The following FGGY variants were observed in gnomAD, a reference collection of about 807,000 sequenced individuals.
The protein encoded by FGGY is FGGY carbohydrate kinase domain containing, also known as FGGY carbohydrate kinase domain-containing protein.
FGGY carries 72 observed loss-of-function variants against 71.3 expected under a neutral mutation model. The observed-to-expected ratio is 1.01, with a 90% CI of 0.84 to 1.23. The LOEUF is 1.23. Among genes scored for constraint, FGGY ranks in the 50% most tolerant of loss-of-function variants. FGGY has a pLI of 0.00. For synonymous variants in FGGY, 251 were observed against 250.3 expected (o/e 1.00, Z -0.02); for missense variants, 668 against 682.3 (o/e 0.98, Z 0.23).
chr1:59,505,032 G>GA (rs980778467), intron 6 of FGGY, among the ~76,000 whole-genome samples: 36 of 152,084 alleles, frequency 2.4e-4, no homozygotes, highest in African/African-American at 8.7e-4. Context: ...ATAAATAGGG[G>GA]AAAAAATAAA....
intron 6 of FGGY, among the ~76,000 whole-genome samples, chr1:59,496,633 A>T (rs999427219): frequency 6.6e-6 from 1 of 152,180 alleles, no homozygotes; most frequent in Non-Finnish European, 1.5e-5. Context: ...TGTGACACGC[A>T]GTTTACCTGT....
chr1:59,534,646 T>C (rs1219757790), intron 7 of FGGY, among the ~76,000 whole-genome samples: 1 of 152,118 alleles, frequency 6.6e-6, no homozygotes, highest in Non-Finnish European at 1.5e-5. Context: ...GCAGAAACTC[T>C]ACAAGCCAGA....
At chr1:59,405,239 G>A (rs374727341) in intron 5 of FGGY, among the ~76,000 whole-genome samples, 2 of 152,152 alleles carry the variant, frequency 1.3e-5, no homozygotes, top group African/African-American at 4.8e-5. Flanking sequence ...TAGTGAGGGA[G>A]GATTAAAGAT....
chr1:59,435,645 C>A (rs1557914194), intron 5 of FGGY, among the ~76,000 whole-genome samples: 1 of 152,166 alleles, frequency 6.6e-6, no homozygotes, highest in Non-Finnish European at 1.5e-5. Context: ...AATGTCACCT[C>A]CTCAGAGTGG....
At chr1:59,692,833 C>T (rs2097604931) in intron 14 of FGGY, among the ~76,000 whole-genome samples, 2 of 152,158 alleles carry the variant, frequency 1.3e-5, no homozygotes, top group African/African-American at 2.4e-5. Context: ...ATGCTGTAAA[C>T]CTCTCTCCTC....
intron 14 of FGGY, among the ~76,000 whole-genome samples, chr1:59,718,157 G>T (rs1320490990): frequency 6.6e-6 from 1 of 152,160 alleles, no homozygotes; most frequent in African/African-American, 2.4e-5. Context: ...TAAGGGATTT[G>T]ACTAAAGATC....
At chr1:59,757,871 A>G (rs2101858849) in intron 14 of FGGY, 60 bp from the exon 15 acceptor site, 1 of 1,208,334 alleles carries the variant, frequency 8.3e-7, no homozygotes, top group African/African-American at 1.5e-5. Flanking sequence ...TGCCTGTGAC[A>G]AGCCTCGCTT....
At chr1:59,522,574 A>G (rs1024638371) in intron 7 of FGGY, among the ~76,000 whole-genome samples, 3 of 152,200 alleles carry the variant, frequency 2.0e-5, no homozygotes, top group African/African-American at 4.8e-5. Context: ...GAGATAAACA[A>G]TATTAATGTT....
chr1:59,673,316 G>A (rs72919653), intron 13 of FGGY, among the ~76,000 whole-genome samples: 6,010 of 152,226 alleles, frequency 0.039, 190 homozygotes, highest in African/African-American at 0.089. Flanking sequence ...AGGATGGGCC[G>A]GCAATTAGCA....
chr1:59,664,770 G>A (rs999533121), intron 12 of FGGY, among the ~76,000 whole-genome samples: 1 of 152,174 alleles, frequency 6.6e-6, no homozygotes, highest in African/African-American at 2.4e-5. Flanking sequence ...TCGTGAGCTG[G>A]ACACTTCTAC....
chr1:59,314,759 A>T (rs1434988632), intron 1 of FGGY, among the ~76,000 whole-genome samples: 1 of 152,242 alleles, frequency 6.6e-6, no homozygotes, highest in Non-Finnish European at 1.5e-5. Flanking sequence ...TACCTACTGC[A>T]TACCAAATTT....
At chr1:59,572,975 T>C (rs969397677) in intron 8 of FGGY, among the ~76,000 whole-genome samples, 1 of 152,188 alleles carries the variant, frequency 6.6e-6, no homozygotes, top group Non-Finnish European at 1.5e-5. Context: ...GAAGTAGCCA[T>C]GTGGACACGA....
chr1:59,702,937 C>G (rs1412012296), intron 14 of FGGY, among the ~76,000 whole-genome samples: 1 of 152,140 alleles, frequency 6.6e-6, no homozygotes, highest in Non-Finnish European at 1.5e-5. Context: ...TGGGAGGGTT[C>G]TGGCTGTTAA....
rs58004594 is a variant in FGGY at position 59,669,540 on chromosome 1, C to CT, written c.1417+2162dup. ...CTGTGACATTCCAATTTCTAGACTT[C>CT]TTTTTTTTTTTTTTTTTTTTTTTTT... On this transcript the variant is annotated intron_variant, in intron 13 of 15. Coordinates refer to ENST00000303721, the MANE Select transcript of FGGY (RefSeq NM_018291.5). 9.3e-3 allele frequency among the ~76,000 whole-genome samples: 951 copies of CT among 102,488 alleles called. 7 individuals are homozygous for CT. The highest frequency in any genetic ancestry group is 0.011 in the Non-Finnish European group (599 of 56,788). The allele number at this position is 102,488 out of a possible 152,430, so 67.2% of individuals were successfully genotyped here.
intron 8 of FGGY, among the ~76,000 whole-genome samples, chr1:59,562,295 A>T (rs2095804130): frequency 6.6e-6 from 1 of 152,240 alleles, no homozygotes; most frequent in South Asian, 2.1e-4. Flanking sequence ...ACTACTAAGC[A>T]GTAAAAGGGA....
Position 59,675,147 on chromosome 1 carries a change from C to T in FGGY, c.1512+1014C>T, listed in dbSNP as rs116045573. Among the ~76,000 whole-genome samples, 721 of 152,196 alleles carry T rather than the reference C, an allele frequency of 4.7e-3. 9 individuals are homozygous for T. The highest frequency in any genetic ancestry group is 0.017 in the African/African-American group (695 of 41,510). Reference sequence around the variant, plus strand: ...ATGCCAGAATCAAGAAGTCTGGCTCCCACTTCTCAACTGAACGTTCAAGAG... The same window carrying T: ...ATGCCAGAATCAAGAAGTCTGGCTCTCACTTCTCAACTGAACGTTCAAGAG... On this transcript the variant is annotated intron_variant, in intron 14 of 15. Transcript: ENST00000303721.
At chr1:59,613,469 A>G (rs1037475319) in intron 9 of FGGY, among the ~76,000 whole-genome samples, 3 of 152,218 alleles carry the variant, frequency 2.0e-5, no homozygotes, top group Admixed American at 6.5e-5. Flanking sequence ...GACACAACAT[A>G]CCAGAATCTC....
Position 59,611,611 on chromosome 1 carries a change from C to T in FGGY, c.1011+3701C>T, listed in dbSNP as rs574039227. 3.9e-4 allele frequency among the ~76,000 whole-genome samples: 60 copies of T among 152,298 alleles called. 1 individual carries two copies. In the South Asian group the frequency reaches 6.8e-3, roughly 17 times the overall value. On this transcript the variant is annotated intron_variant, in intron 9 of 15. Coordinates refer to ENST00000303721, the MANE Select transcript of FGGY (RefSeq NM_018291.5). Reference sequence around the variant, plus strand: ...GAGTGCCTCTCCTCCTCCAAAGGAACGCAGCTCCTCACCAGCAACGGAACA... The same window carrying T: ...GAGTGCCTCTCCTCCTCCAAAGGAATGCAGCTCCTCACCAGCAACGGAACA...
intron 9 of FGGY, among the ~76,000 whole-genome samples, chr1:59,613,253 G>A (rs1414243301): frequency 2.0e-5 from 3 of 152,162 alleles, no homozygotes; most frequent in Non-Finnish European, 4.4e-5. Flanking sequence ...TGGAAGTAAA[G>A]ACGTCCTCAG....
Sources: gnomAD v4.1 joint callset for allele counts (sites outside exome capture counted in the v4.1 genomes callset) on GRCh38, gnomAD v4.1.1 for gene constraint, MANE v1.5 for transcripts, NCBI Gene and HGNC (gene_info 2026-07-23, HGNC 2026-07-21) for gene names.